CDC42BPA: variants seen among roughly 807,000 people sequenced by gnomAD.
The protein encoded by CDC42BPA is serine/threonine-protein kinase MRCK alpha.
A neutral mutation model predicts 223.5 loss-of-function variants in CDC42BPA; 80 were observed. The observed-to-expected ratio is 0.36, with a 90% confidence interval of 0.30 to 0.43. CDC42BPA has a LOEUF of 0.43. CDC42BPA is among the 20% of genes least tolerant of loss of function. The probability of loss-of-function intolerance (pLI) is 1.00; values close to 1 mark genes in which losing one functional copy is unlikely to be tolerated. For synonymous variants in CDC42BPA, 694 were observed against 718.6 expected, an observed-to-expected ratio of 0.97 and a Z score of 0.55; for missense variants, 1,743 against 2,099.9, an observed-to-expected ratio of 0.83 and a Z score of 3.32.
chr1:227,294,578 T>TAACTTGCACTA (rs1553438788), intron 1 of CDC42BPA, among the ~76,000 whole-genome samples: 1 of 136,190 alleles, frequency 7.3e-6, no homozygotes, highest in Non-Finnish European at 1.6e-5. Flanking sequence ...AGAGGTTAAT[T>TAACTTGCACTA]GGCCGGGCGC....
Position 227,030,806 on chromosome 1 carries a change from T to A in CDC42BPA, c.3776-336A>T, listed in dbSNP as rs115018590. ...ACCATACTCATTGAACTTTTCAGTA[T>A]TTATGGAAAGTAACAAAAGAGTTAG... is the stretch of plus-strand genomic sequence containing the variant. On this transcript the variant is annotated intron_variant, in intron 28 of 36. Coordinates refer to ENST00000366766, the MANE Select transcript of CDC42BPA (RefSeq NM_001394014.1). Among the ~76,000 whole-genome samples the A allele has an allele frequency of 1.8e-3, 281 of 152,346 alleles. 3 individuals are homozygous for A. Among genetic ancestry groups the A allele is most frequent in the Middle Eastern group, 6.8e-3 (2 of 294 alleles).
At chr1:227,292,857 T>C (rs989048814) in intron 1 of CDC42BPA, among the ~76,000 whole-genome samples, 7 of 152,196 alleles carry the variant, frequency 4.6e-5, no homozygotes, top group African/African-American at 1.7e-4. Flanking sequence ...TATTTCTCTC[T>C]CCTGAACATT....
chr1:227,078,535 A>C (rs1679961556), intron 17 of CDC42BPA, among the ~76,000 whole-genome samples: 2 of 152,112 alleles, frequency 1.3e-5, no homozygotes, highest in African/African-American at 4.8e-5. Flanking sequence ...CAAAGAGAAA[A>C]CGTGAAGTCC....
intron 6 of CDC42BPA, among the ~76,000 whole-genome samples, chr1:227,158,605 A>G (rs905749102): frequency 6.6e-6 from 1 of 152,108 alleles, no homozygotes; most frequent in South Asian, 2.1e-4. Flanking sequence ...AGACTTCCAA[A>G]CTCTATGGAT....
Position 227,254,149 on chromosome 1 carries a change from G to A in CDC42BPA, c.185C>T (p.Pro62Leu). 6.6e-7 allele frequency: 1 copy of A among 1,522,800 alleles called. No individual in the cohort carries two copies. The highest frequency in any genetic ancestry group is 9.0e-7 in the Non-Finnish European group (1 of 1,110,084). 94.3% of individuals were successfully genotyped at this position (1,522,800 alleles called of 1,614,324 possible). A position where few individuals can be genotyped will look rare whatever the true frequency, so the allele number is the denominator to read the frequency against. ...CATTTGTTTCACTTTAGAAGTAAAT[G>A]GTTTAGCTGAAATGAAAGAGCAATA... ...NILEYLEWAKPFTSKVKQMRL... is the reference protein window; with the variant it reads ...NILEYLEWAKLFTSKVKQMRL... The change falls in exon 2 of 37, where the codon CCA becomes CTA. Residue 62 changes from proline to leucine, a missense_variant. This residue lies in a region of CDC42BPA where 321 missense variants were observed against 488.7 expected (regional missense o/e 0.66). Coordinates refer to ENST00000366766, the MANE Select transcript of CDC42BPA (RefSeq NM_001394014.1).
intron 2 of CDC42BPA, 133 bp downstream of exon 2, chr1:227,253,931 A>G: frequency 1.5e-6 from 1 of 683,346 alleles, no homozygotes; most frequent in Non-Finnish European, 2.6e-6. Flanking sequence ...AGCACAATCA[A>G]TCACATCAAT....
chr1:227,263,316 AT>A (rs1044250175), intron 1 of CDC42BPA, among the ~76,000 whole-genome samples: 9 of 152,238 alleles, frequency 5.9e-5, no homozygotes, highest in South Asian at 2.1e-4. Context: ...TTATATAATA[AT>A]TTTTTTAATG....
chr1:227,125,150 G>A (rs1356557798), intron 11 of CDC42BPA, among the ~76,000 whole-genome samples: 1 of 150,694 alleles, frequency 6.6e-6, no homozygotes, highest in Non-Finnish European at 1.5e-5. Flanking sequence ...GGGTAGACCA[G>A]AAAGACAGAC....
intron 2 of CDC42BPA, among the ~76,000 whole-genome samples, chr1:227,222,052 C>CAAAAA (rs60588018): frequency 2.3e-5 from 2 of 86,508 alleles, no homozygotes; most frequent in East Asian, 6.6e-4. Flanking sequence ...CTATCTCTAC[C>CAAAAA]AAAAAAAAAA....
intron 1 of CDC42BPA, among the ~76,000 whole-genome samples, chr1:227,303,004 T>G (rs371566116): frequency 1.6e-4 from 22 of 135,048 alleles, no homozygotes; most frequent in Middle Eastern, 3.8e-3. Context: ...TTGGTTTTTT[T>G]GGGTTTTTTT....
intron 1 of CDC42BPA, among the ~76,000 whole-genome samples, chr1:227,294,643 G>A (rs1471880403): frequency 1.4e-5 from 1 of 73,560 alleles, no homozygotes; most frequent in African/African-American, 5.5e-5. Flanking sequence ...GGCGGATCAC[G>A]AGGTCAGGAG....
At chr1:227,139,170 G>C (rs950845629) in intron 10 of CDC42BPA, among the ~76,000 whole-genome samples, 4 of 152,162 alleles carry the variant, frequency 2.6e-5, no homozygotes, top group African/African-American at 9.7e-5. Flanking sequence ...TTATGTGTAT[G>C]TGCATTTTAA....
intron 16 of CDC42BPA, among the ~76,000 whole-genome samples, chr1:227,082,557 A>T (rs916634666): frequency 1.0e-4 from 15 of 148,606 alleles, no homozygotes; most frequent in African/African-American, 3.7e-4. Context: ...TACTAAAAAT[A>T]AAAAAAAATT....
chr1:227,150,233 A>AC (rs1439725677), intron 6 of CDC42BPA, among the ~76,000 whole-genome samples: 22 of 151,460 alleles, frequency 1.5e-4, no homozygotes, highest in African/African-American at 4.6e-4. Context: ...TCAAAAAAAA[A>AC]AAAACAAAAA....
intron 27 of CDC42BPA, 127 bp from the exon 28 acceptor site, chr1:227,031,641 G>C (rs1204239220): frequency 8.6e-6 from 6 of 701,204 alleles, no homozygotes; most frequent in Non-Finnish European, 1.4e-5. Context: ...ACCATTACTG[G>C]AGTTCAGCTA....
intron 12 of CDC42BPA, among the ~76,000 whole-genome samples, chr1:227,116,200 T>G (rs1162138079): frequency 5.3e-5 from 8 of 152,206 alleles, no homozygotes; most frequent in African/African-American, 1.9e-4. Context: ...ATCTATACTA[T>G]CACAGTATTA....
chr1:227,129,762 C>T (rs1034170963), intron 10 of CDC42BPA, among the ~76,000 whole-genome samples: 8 of 143,366 alleles, frequency 5.6e-5, no homozygotes, highest in Non-Finnish European at 1.1e-4. Context: ...ATACTATTGG[C>T]GTACTCTGCC....
At chr1:227,254,806 T>C (rs1682769234) in intron 1 of CDC42BPA, among the ~76,000 whole-genome samples, 1 of 152,204 alleles carries the variant, frequency 6.6e-6, no homozygotes. Flanking sequence ...ATGTGGATAC[T>C]AATGCTTCAC....
At chr1:227,083,701 AT>A (rs761199948) in intron 16 of CDC42BPA, among the ~76,000 whole-genome samples, 3 of 152,180 alleles carry the variant, frequency 2.0e-5, no homozygotes, top group Non-Finnish European at 4.4e-5. Context: ...TCCACAGAGT[AT>A]TTACTTTTAC....
Sources: gnomAD v4.1 joint callset for allele counts (sites outside exome capture counted in the v4.1 genomes callset) on GRCh38, gnomAD v4.1.1 for gene constraint, gnomAD v4.1.1 regional missense constraint, MANE v1.5 for transcripts, NCBI Gene and HGNC (gene_info 2026-07-23, HGNC 2026-07-21) for gene names.